Variants in KDM4C observed in about 807,000 individuals in gnomAD.
The protein encoded by KDM4C is lysine-specific demethylase 4C.
Under a neutral mutation model 129.3 loss-of-function variants are expected in KDM4C, and 81 were observed. That is an observed-to-expected ratio of 0.63 (90% CI 0.52 to 0.75). The LOEUF (loss-of-function observed/expected upper bound fraction) is 0.75, where lower values mean the gene tolerates loss of function less well. KDM4C is among the 30% of genes least tolerant of loss of function. The pLI is 0.00. For missense variants in KDM4C, 1,457 were observed against 1,304.0 expected (o/e 1.12, Z -1.81); for synonymous variants, 573 against 456.1 (o/e 1.26, Z -3.26).
At chr9:6,990,389 TC>T in intron 11 of KDM4C, 26 bp from the exon 12 acceptor site, 1 of 1,412,092 alleles carries the variant, frequency 7.1e-7, no homozygotes, top group Non-Finnish European at 1.0e-6. Context: ...TAATGGTATT[TC>T]TCCACCATTT....
rs1050108439 is a variant in KDM4C, at chr9:6,758,681, C to G, written c.-18+478C>G. Among the ~76,000 whole-genome samples, 4 of 152,240 alleles carry G rather than the reference C, an allele frequency of 2.6e-5. No individual in the cohort carries two copies. In the South Asian group the frequency reaches 6.2e-4, roughly 24 times the overall value. On this transcript the variant is annotated intron_variant, in intron 1 of 21. Coordinates refer to ENST00000381309, the MANE Select transcript of KDM4C (RefSeq NM_015061.6). This position sits in a 1 kb window ranked among gnomAD's most constrained non-coding sequence, Gnocchi z 4.6. Reference sequence around the variant, plus strand: ...CTGACCACCCGTTGCAGGCAGTCATCCCGTCATTCGGGGTCGTCTTCAGCC... The same window carrying G: ...CTGACCACCCGTTGCAGGCAGTCATGCCGTCATTCGGGGTCGTCTTCAGCC...
At chr9:6,996,091 A>G (rs777705325) in intron 12 of KDM4C, among the ~76,000 whole-genome samples, 7 of 152,216 alleles carry the variant, frequency 4.6e-5, no homozygotes, top group Non-Finnish European at 1.0e-4. Context: ...TGTACATTGT[A>G]CCCATGAGGT....
chr9:7,023,586 C>G (rs1234322754), intron 15 of KDM4C, among the ~76,000 whole-genome samples: 2 of 151,872 alleles, frequency 1.3e-5, no homozygotes, highest in African/African-American at 4.8e-5. Flanking sequence ...TTTTAAAAAA[C>G]ATCTTTTTGT....
intron 1 of KDM4C, among the ~76,000 whole-genome samples, chr9:6,770,268 A>G (rs771383369): frequency 5.9e-5 from 9 of 152,110 alleles, no homozygotes; most frequent in Non-Finnish European, 8.8e-5. Context: ...ATGTTGGGTA[A>G]CAGACTATGA....
At chr9:7,160,470 C>G (rs753898030) in intron 19 of KDM4C, among the ~76,000 whole-genome samples, 3 of 152,222 alleles carry the variant, frequency 2.0e-5, no homozygotes, top group Non-Finnish European at 2.9e-5. Context: ...GTGGTTTTAT[C>G]TACCTTTGGT....
chr9:6,952,430 T>C (rs867677747), intron 8 of KDM4C, among the ~76,000 whole-genome samples: 31 of 138,706 alleles, frequency 2.2e-4, no homozygotes, highest in Non-Finnish European at 4.1e-4. Flanking sequence ...TATATATATA[T>C]AATAATAATT....
At chr9:6,947,329 A>T (rs919477336) in intron 8 of KDM4C, among the ~76,000 whole-genome samples, 5 of 152,156 alleles carry the variant, frequency 3.3e-5, no homozygotes, top group African/African-American at 1.2e-4. Flanking sequence ...AACATTTCTC[A>T]TCTTTAGTAG....
intron 7 of KDM4C, among the ~76,000 whole-genome samples, chr9:6,889,202 G>A (rs1016302017): frequency 9.4e-6 from 1 of 106,916 alleles, no homozygotes; most frequent in East Asian, 3.3e-4. Flanking sequence ...TCTTACTGTG[G>A]CCTTCTTTTT....
chr9:6,745,847 T>C (rs999165999), intron 1 of KDM4C, among the ~76,000 whole-genome samples: 10 of 152,118 alleles, frequency 6.6e-5, no homozygotes, highest in Admixed American at 5.3e-4. Flanking sequence ...TTCGCTATTG[T>C]TGCCCAGGCT....
chr9:6,760,306 A>G (rs1819154035), intron 1 of KDM4C, among the ~76,000 whole-genome samples: 1 of 152,018 alleles, frequency 6.6e-6, no homozygotes, highest in Non-Finnish European at 1.5e-5. Context: ...TTTAATGGCT[A>G]ATATTCTATT....
At chr9:6,782,882 AAAG>A (rs1274491405) in intron 1 of KDM4C, among the ~76,000 whole-genome samples, 3 of 152,220 alleles carry the variant, frequency 2.0e-5, no homozygotes, top group African/African-American at 7.2e-5. Flanking sequence ...TGGTTGAAGA[AAAG>A]AACGACAGAA....
At position 6,780,768 on chromosome 9, in the gene KDM4C, C is replaced by CAAAAAAAAAAAAAAAAAAA; in HGVS notation, c.-17-12196_-17-12178dup. ...GGGCAACAAGAGTGAAACTCCCTCT[C>CAAAAAAAAAAAAAAAAAAA]AAAAAAAAAAAAAAAAAAAAAAAAA... On this transcript the variant is annotated intron_variant, in intron 1 of 21. Coordinates refer to ENST00000381309, the MANE Select transcript of KDM4C (RefSeq NM_015061.6). 6.2e-5 allele frequency among the ~76,000 whole-genome samples: 2 copies of CAAAAAAAAAAAAAAAAAAA among 32,154 alleles called. 1 individual carries two copies. Among genetic ancestry groups the CAAAAAAAAAAAAAAAAAAA allele is most frequent in the Non-Finnish European group, 1.0e-4 (2 of 19,664 alleles). The allele number at this position is 32,154 out of a possible 152,430, so 21.1% of individuals were successfully genotyped here.
At chr9:7,035,885 A>G (rs1349871869) in intron 15 of KDM4C, among the ~76,000 whole-genome samples, 3 of 152,108 alleles carry the variant, frequency 2.0e-5, no homozygotes, top group Admixed American at 6.6e-5. Context: ...GTTGGTTACT[A>G]CAGCTTTGTA....
intron 2 of KDM4C, among the ~76,000 whole-genome samples, chr9:6,796,778 C>G (rs1457208043): frequency 6.6e-6 from 1 of 152,150 alleles, no homozygotes; most frequent in Non-Finnish European, 1.5e-5. Context: ...CGAACTGTTT[C>G]AAATCATTTT....
At chr9:7,085,551 G>A (rs902106348) in intron 17 of KDM4C, among the ~76,000 whole-genome samples, 1 of 152,188 alleles carries the variant, frequency 6.6e-6, no homozygotes, top group Non-Finnish European at 1.5e-5. Flanking sequence ...GGTCTAGGAT[G>A]ACATTTAATT....
chr9:6,788,032 G>T (rs182058455), intron 1 of KDM4C, among the ~76,000 whole-genome samples: 8 of 152,290 alleles, frequency 5.3e-5, no homozygotes, highest in African/African-American at 2.4e-5. Flanking sequence ...GAGTCCGATA[G>T]TCTCTTTCCT....
At chr9:6,878,696 C>T (rs1712048558) in intron 5 of KDM4C, among the ~76,000 whole-genome samples, 1 of 152,114 alleles carries the variant, frequency 6.6e-6, no homozygotes, top group South Asian at 2.1e-4. Context: ...CCATATCCTA[C>T]CTTTTTGTTG....
chr9:6,733,728 AG>A (rs1419158231), intron 1 of KDM4C, among the ~76,000 whole-genome samples: 2 of 152,224 alleles, frequency 1.3e-5, no homozygotes, highest in African/African-American at 4.8e-5. Context: ...AAGGAATAAA[AG>A]AATGGCTATT....
intron 8 of KDM4C, among the ~76,000 whole-genome samples, chr9:6,947,063 G>C (rs9792673): frequency 6.6e-6 from 1 of 152,032 alleles, no homozygotes; most frequent in South Asian, 2.1e-4. Flanking sequence ...TGAAAATGTC[G>C]TACTTTTGTA....
Sources: allele counts gnomAD v4.1 joint callset (sites outside exome capture counted in the v4.1 genomes callset), GRCh38; gene constraint gnomAD v4.1.1; non-coding constraint Gnocchi (gnomAD v3.1); transcripts MANE v1.5; gene names NCBI Gene and HGNC (gene_info 2026-07-23, HGNC 2026-07-21).